DDX17: variants seen among roughly 807,000 people sequenced by gnomAD.
DDX17 encodes the protein probable ATP-dependent RNA helicase DDX17.
Under a neutral mutation model 80.8 loss-of-function variants are expected in DDX17, and 10 were observed. That is an observed-to-expected ratio of 0.12 (90% confidence interval 0.08 to 0.21). DDX17 has a LOEUF of 0.21. DDX17 is among the 10% of genes least tolerant of loss of function. The pLI is 1.00. For missense variants in DDX17, 586 were observed against 957.4 expected (o/e 0.61, Z 5.12); for synonymous variants, 339 against 336.2 (o/e 1.01, Z -0.09).
intron 1 of DDX17, chr22:38,505,728 G>T (rs999802913): frequency 5.6e-6 from 3 of 539,242 alleles, no homozygotes; most frequent in Non-Finnish European, 9.5e-6. Context: ...CACGACGGCC[G>T]TCCGCACGGA....
In DDX17 at chr22:38,487,949, T is replaced by C. The variant is rs1207099445; in HGVS notation, c.1614A>G (p.Glu538=). 4 of 1,614,234 alleles carry C rather than the reference T, an allele frequency of 2.5e-6. No individual in the cohort carries two copies. Among genetic ancestry groups the C allele is most frequent in the South Asian group, 2.2e-5 (2 of 91,088 alleles). The stretch of plus-strand genomic sequence containing the variant: ...TTGGATTGATAGCCTGATTGGCCTC[T>C]TCCAGCACTTTGATAAGCTCTCTGG... The change falls in exon 12 of 13, where the codon GAA becomes GAG. Residue 538 remains glutamate (E), a synonymous_variant. Transcript: ENST00000403230.
At chr22:38,492,560 C>T (rs2089723878) in intron 10 of DDX17, among the ~76,000 whole-genome samples, 1 of 152,204 alleles carries the variant, frequency 6.6e-6, no homozygotes, top group African/African-American at 2.4e-5. Context: ...AATCTCAGCT[C>T]ACCGCAACCT....
chr22:38,505,865 T>C (rs963830811), intron 1 of DDX17, 86 bp downstream of exon 1: 1 of 1,472,882 alleles, frequency 6.8e-7, no homozygotes, highest in African/African-American at 1.4e-5. Context: ...AGAGCAAGGC[T>C]CCCAGGCTCG....
At chr22:38,494,296 G>A (rs972214070) in intron 8 of DDX17, 165 bp from the exon 9 acceptor site, 5 of 607,396 alleles carry the variant, frequency 8.2e-6, no homozygotes, top group Non-Finnish European at 1.4e-5. Flanking sequence ...ATGTGCTCAA[G>A]AAATACTAAC....
chr22:38,490,513 TA>T, intron 11 of DDX17: 1 of 1,193,180 alleles, frequency 8.4e-7, no homozygotes, highest in Non-Finnish European at 1.1e-6. Flanking sequence ...AAAGGAAAAA[TA>T]AAAAATATCC....
rs572735382 is a variant in DDX17, at chr22:38,496,988, T to C, written c.739-1051A>G. ...CATGTTCATAAATATATAGGACAAATGCAAGCTTATTTCTTAAAAAAGTTA... is the reference window on the plus strand; with the variant it reads ...CATGTTCATAAATATATAGGACAAACGCAAGCTTATTTCTTAAAAAAGTTA... On this transcript the variant is annotated intron_variant, in intron 5 of 12. Coordinates refer to ENST00000403230, the MANE Select transcript of DDX17 (RefSeq NM_006386.5). 1.4e-4 allele frequency among the ~76,000 whole-genome samples: 22 copies of C among 152,226 alleles called. No individual in the cohort carries two copies. In the East Asian group the frequency reaches 2.3e-3, roughly 16 times the overall value.
intron 1 of DDX17, among the ~76,000 whole-genome samples, chr22:38,503,244 G>A (rs983054733): frequency 6.6e-6 from 1 of 152,140 alleles, no homozygotes; most frequent in African/African-American, 2.4e-5. Flanking sequence ...AAATGAAGCA[G>A]CTAAATAAGG....
intron 1 of DDX17, among the ~76,000 whole-genome samples, chr22:38,503,088 G>A (rs1163001126): frequency 1.3e-5 from 2 of 152,184 alleles, no homozygotes; most frequent in African/African-American, 4.8e-5. Context: ...TACTGAGACA[G>A]TGAAGACAAA....
In DDX17 at chr22:38,489,095, A is replaced by C. The variant is rs917002946; in HGVS notation, c.1448-980T>G. On this transcript the variant is annotated intron_variant, in intron 11 of 12. Coordinates refer to ENST00000403230, the MANE Select transcript of DDX17 (RefSeq NM_006386.5). This position sits in a 1 kb window ranked among gnomAD's most constrained non-coding sequence, Gnocchi z 4.6. ...CCTACTTAAACAAACAATTTTAAGA[A>C]TATAACAAAGAATCCTACTGTTTTG... 6 of 984,064 alleles carry C rather than the reference A, an allele frequency of 6.1e-6. No individual in the cohort carries two copies. The highest frequency in any genetic ancestry group is 7.2e-6 in the Non-Finnish European group (6 of 828,756). The allele number at this position is 984,064 out of a possible 1,614,324, so 61.0% of individuals were successfully genotyped here.
chr22:38,487,686 T>C lies in DDX17; in HGVS notation c.1684+193A>G, dbSNP rs1321032542. On this transcript the variant is annotated intron_variant, in intron 12 of 12. Coordinates refer to ENST00000403230, the MANE Select transcript of DDX17 (RefSeq NM_006386.5). ...AAGAAAAAAAAATTCACAATTTAGCTTAACTAATAGGACTATCACAACAAA... is the reference window on the plus strand; with the variant it reads ...AAGAAAAAAAAATTCACAATTTAGCCTAACTAATAGGACTATCACAACAAA... Among the ~76,000 whole-genome samples the C allele has an allele frequency of 2.0e-5, 3 of 152,318 alleles. No individual in the cohort carries two copies. In the East Asian group the frequency reaches 5.8e-4, roughly 29 times the overall value.
rs1446399933 is a variant in DDX17, at chr22:38,498,072, G to A, written c.738+13C>T. On this transcript the variant is annotated intron_variant, in intron 5 of 12. Transcript: ENST00000403230. ...TTTTTCTTAGAATTACAAAGAAACT[G>A]AAACACACTTACGATTGGGCCATCT... 1 of 1,611,986 alleles carries A rather than the reference G, an allele frequency of 6.2e-7. No homozygotes were observed. The highest frequency in any genetic ancestry group is 1.3e-5 in the African/African-American group (1 of 74,836).
chr22:38,489,448 C>T lies in DDX17; in HGVS notation c.1448-1333G>A, dbSNP rs972847839. 47 of 985,680 alleles carry T rather than the reference C, an allele frequency of 4.8e-5. 1 individual carries two copies. The South Asian group carries it at 1.2e-3, about 26-fold the overall frequency. 61.1% of individuals were successfully genotyped at this position (985,680 alleles called of 1,614,324 possible). A position where few individuals can be genotyped will look rare whatever the true frequency, so the allele number is the denominator to read the frequency against. On this transcript the variant is annotated intron_variant, in intron 11 of 12. Transcript: ENST00000403230. This position sits in a 1 kb window ranked among gnomAD's most constrained non-coding sequence, Gnocchi z 4.6. Reference sequence around the variant, plus strand: ...TCTGTAGCCCCATTTGGTTGCCAAGCGCCGGAGAACCTGGGTTCGGGTAAA... The same window carrying T: ...TCTGTAGCCCCATTTGGTTGCCAAGTGCCGGAGAACCTGGGTTCGGGTAAA...
chr22:38,502,108 C>T (rs987662633), intron 1 of DDX17, among the ~76,000 whole-genome samples: 2 of 152,174 alleles, frequency 1.3e-5, no homozygotes, highest in South Asian at 2.1e-4. Context: ...TTTTAGCTTA[C>T]GCTAATAAAA....
intron 4 of DDX17, 117 bp downstream of exon 4, chr22:38,498,323 C>T (rs1409114401): frequency 5.5e-6 from 8 of 1,458,586 alleles, no homozygotes; most frequent in Non-Finnish European, 6.5e-6. Flanking sequence ...TATTTAATAA[C>T]TAAAATAGTA....
chr22:38,492,234 T>A, intron 10 of DDX17, 119 bp from the exon 11 acceptor site: 1 of 716,870 alleles, frequency 1.4e-6, no homozygotes, highest in Non-Finnish European at 2.2e-6. Context: ...TTGTAATGAC[T>A]GACAGTGATT....
chr22:38,487,823 GA>G (rs769864925), intron 12 of DDX17, 55 bp downstream of exon 12: 2 of 1,590,978 alleles, frequency 1.3e-6, no homozygotes, highest in African/African-American at 2.7e-5. Context: ...GCAAGTCACA[GA>G]AGGCGTAAAG....
chr22:38,503,806 C>G (rs2089853932), intron 1 of DDX17, among the ~76,000 whole-genome samples: 1 of 152,230 alleles, frequency 6.6e-6, no homozygotes, highest in Non-Finnish European at 1.5e-5. Flanking sequence ...GAACTGACCT[C>G]ACCTATTCCT....
rs3183194 is a variant in DDX17 at position 38,483,563 on chromosome 22, C to A, written c.*2372G>T. 2.0e-5 allele frequency: 3 copies of A among 152,588 alleles called. No homozygotes were observed. Among genetic ancestry groups the A allele is most frequent in the African/African-American group, 7.2e-5 (3 of 41,434 alleles). 9.5% of individuals were successfully genotyped at this position (152,588 alleles called of 1,614,324 possible). ...CATCCTGTGCCTGAACATCACACAT[C>A]TACAAGTCTTTCAAGTCTTAATGCA... On this transcript the variant is annotated 3_prime_UTR_variant, in exon 13 of 13. Transcript: ENST00000403230.
intron 10 of DDX17, among the ~76,000 whole-genome samples, chr22:38,492,371 A>C (rs975471354): frequency 2.6e-5 from 4 of 152,202 alleles, no homozygotes; most frequent in Non-Finnish European, 5.9e-5. Context: ...TTTTCCCCTT[A>C]AAGTTATTTC....
Sources: gnomAD v4.1 joint callset for allele counts (sites outside exome capture counted in the v4.1 genomes callset) on GRCh38, gnomAD v4.1.1 for gene constraint, Gnocchi (gnomAD v3.1) non-coding constraint, MANE v1.5 for transcripts, NCBI Gene and HGNC (gene_info 2026-07-23, HGNC 2026-07-21) for gene names.